HSF5: variants seen among roughly 807,000 people sequenced by gnomAD.
The protein encoded by HSF5 is heat shock factor protein 5.
In HSF5, 5 loss-of-function variants were observed where a neutral mutation model predicts 50.8. The observed-to-expected ratio is 0.10, with a 90% CI of 0.05 to 0.21. The LOEUF is 0.21. Among genes scored for constraint, HSF5 ranks in the 10% least tolerant of loss-of-function variants. The pLI is 1.00. For missense variants in HSF5, 564 were observed against 762.6 expected (o/e 0.74, Z 3.07); for synonymous variants, 307 against 307.4 (o/e 1.00, Z 0.02).
chr17:58,487,452 G>A (rs985510201), intron 1 of HSF5, among the ~76,000 whole-genome samples: 3 of 152,244 alleles, frequency 2.0e-5, no homozygotes, highest in African/African-American at 7.2e-5. Flanking sequence ...GGGAGCCTAA[G>A]AGGCGGAGGT....
At chr17:58,431,679 T>C (rs958340786) in intron 5 of HSF5, among the ~76,000 whole-genome samples, 2 of 152,224 alleles carry the variant, frequency 1.3e-5, no homozygotes, top group Non-Finnish European at 2.9e-5. Flanking sequence ...TTGTAAAACA[T>C]ACACAATTCT....
intron 1 of HSF5, among the ~76,000 whole-genome samples, chr17:58,484,585 C>T (rs1295871806): frequency 7.0e-6 from 1 of 143,106 alleles, no homozygotes; most frequent in East Asian, 2.1e-4. Flanking sequence ...ACCAGACATG[C>T]AACCTGAAAA....
At chr17:58,450,797 T>A (rs1377014605) in intron 5 of HSF5, among the ~76,000 whole-genome samples, 7 of 147,244 alleles carry the variant, frequency 4.8e-5, no homozygotes, top group Non-Finnish European at 1.0e-4. Flanking sequence ...TAAAAAATAA[T>A]GATAAAGGAG....
chr17:58,445,185 T>C (rs1186729093), intron 5 of HSF5, among the ~76,000 whole-genome samples: 1 of 152,190 alleles, frequency 6.6e-6, no homozygotes, highest in East Asian at 1.9e-4. Context: ...ATAGCAGCTA[T>C]GAAAAACAGT....
At chr17:58,481,302 C>T (rs576356435) in intron 1 of HSF5, among the ~76,000 whole-genome samples, 28 of 152,202 alleles carry the variant, frequency 1.8e-4, no homozygotes, top group South Asian at 1.0e-3. Context: ...ATCCACAAAT[C>T]CAGGCCCAGA....
chr17:58,482,214 TA>T (rs1786116523), intron 1 of HSF5, among the ~76,000 whole-genome samples: 3 of 152,228 alleles, frequency 2.0e-5, no homozygotes, highest in South Asian at 2.1e-4. Context: ...CTTTATCTAA[TA>T]GGGGGAAAAA....
chr17:58,487,610 G>A (rs1374578233), intron 1 of HSF5, 115 bp downstream of exon 1: 3 of 1,288,226 alleles, frequency 2.3e-6, no homozygotes, highest in African/African-American at 3.1e-5. Flanking sequence ...TGGGTCCCCG[G>A]CGCCTTTCCG....
At chr17:58,437,003 C>T (rs1422807547) in intron 5 of HSF5, among the ~76,000 whole-genome samples, 9 of 152,120 alleles carry the variant, frequency 5.9e-5, no homozygotes, top group South Asian at 2.1e-4. Flanking sequence ...ATATTTCTGT[C>T]GGTATTTCTG....
chr17:58,428,488 C>T lies in HSF5; in HGVS notation c.1721-6058G>A, dbSNP rs539867779. On this transcript the variant is annotated intron_variant, in intron 5 of 5. Coordinates refer to ENST00000323777, the MANE Select transcript of HSF5 (RefSeq NM_001080439.3). ...TCCTGGCTAACACAGTGAAACCCTG[C>T]CTCTACTAAAAGTACAAAAAATTAG... 7.5e-4 allele frequency among the ~76,000 whole-genome samples: 114 copies of T among 152,030 alleles called. 1 individual carries two copies. The highest frequency in any genetic ancestry group is 1.5e-3 in the Non-Finnish European group (99 of 67,940).
chr17:58,462,051 C>T (rs947619606), intron 4 of HSF5, among the ~76,000 whole-genome samples: 18 of 152,148 alleles, frequency 1.2e-4, no homozygotes, highest in Admixed American at 2.0e-4. Context: ...CATCCTTCCA[C>T]GTCTCCAGTG....
At chr17:58,469,366 TGTTAA>T (rs1974915067) in intron 2 of HSF5, among the ~76,000 whole-genome samples, 1 of 152,204 alleles carries the variant, frequency 6.6e-6, no homozygotes, top group African/African-American at 2.4e-5. Flanking sequence ...ACAGAGAATA[TGTTAA>T]TATATTTTTG....
At chr17:58,462,527 A>G (rs1974807417) in intron 4 of HSF5, among the ~76,000 whole-genome samples, 2 of 152,206 alleles carry the variant, frequency 1.3e-5, no homozygotes. Flanking sequence ...TTCATACTAC[A>G]ACGCTCAATT....
intron 1 of HSF5, among the ~76,000 whole-genome samples, chr17:58,480,937 A>G (rs1178857037): frequency 6.6e-6 from 1 of 152,098 alleles, no homozygotes; most frequent in Non-Finnish European, 1.5e-5. Flanking sequence ...ATAGGTGCAC[A>G]TCACCAAGCA....
At chr17:58,479,802 G>T in intron 2 of HSF5, 91 bp downstream of exon 2, 1 of 1,146,026 alleles carries the variant, frequency 8.7e-7, no homozygotes, top group Non-Finnish European at 1.2e-6. Context: ...TTGTGTTAAA[G>T]CACATAGACA....
intron 5 of HSF5, among the ~76,000 whole-genome samples, chr17:58,445,981 CA>C (rs1054533423): frequency 2.0e-5 from 3 of 151,638 alleles, no homozygotes; most frequent in Non-Finnish European, 2.9e-5. Context: ...ATTAAAAATA[CA>C]AAAAAATTAG....
chr17:58,465,535 T>C (rs1307085061), intron 3 of HSF5, among the ~76,000 whole-genome samples: 3 of 151,246 alleles, frequency 2.0e-5, no homozygotes, highest in African/African-American at 7.3e-5. Flanking sequence ...ATATCAGCCA[T>C]GAAAAATGGC....
At chr17:58,431,748 C>A (rs998637156) in intron 5 of HSF5, among the ~76,000 whole-genome samples, 2 of 152,156 alleles carry the variant, frequency 1.3e-5, no homozygotes, top group African/African-American at 4.8e-5. Flanking sequence ...TTGGACCTAG[C>A]ACAGTACCAA....
At chr17:58,441,228 A>G (rs1383500793) in intron 5 of HSF5, among the ~76,000 whole-genome samples, 1 of 152,210 alleles carries the variant, frequency 6.6e-6, no homozygotes, top group Non-Finnish European at 1.5e-5. Flanking sequence ...ATATCTGGAA[A>G]TAAATATAAA....
intron 5 of HSF5, 26 bp downstream of exon 5, chr17:58,458,742 G>C: frequency 1.9e-6 from 3 of 1,559,578 alleles, no homozygotes; most frequent in Non-Finnish European, 2.6e-6. Context: ...TCTACTTCTG[G>C]CATTCTAGAG....
Sources: allele counts gnomAD v4.1 joint callset (sites outside exome capture counted in the v4.1 genomes callset), GRCh38; gene constraint gnomAD v4.1.1; transcripts MANE v1.5; gene names NCBI Gene and HGNC (gene_info 2026-07-23, HGNC 2026-07-21).